ZNF7: variants seen among roughly 807,000 people sequenced by gnomAD.
ZNF7 encodes C2-H2 type zinc finger protein.
In ZNF7, 10 loss-of-function variants were observed where a neutral mutation model predicts 12.0. The observed-to-expected ratio is 0.83, with a 90% CI of 0.51 to 1.42. The LOEUF (loss-of-function observed/expected upper bound fraction) is 1.42, where lower values mean the gene tolerates loss of function less well. Among genes scored for constraint, ZNF7 ranks in the 40% most tolerant of loss-of-function variants. The pLI is 0.00. For missense variants in ZNF7, 854 were observed against 837.2 expected (o/e 1.02, Z -0.25); for synonymous variants, 334 against 295.0 (o/e 1.13, Z -1.35).
At chr8:144,829,256 G>T in intron 2 of ZNF7, 166 bp downstream of exon 2, 1 of 1,535,412 alleles carries the variant, frequency 6.5e-7, no homozygotes, top group Non-Finnish European at 8.8e-7. Context: ...CCAAACCAGG[G>T]CCTAATTGAG....
downstream of ZNF7, chr8:144,845,944 G>A (rs1057107558): frequency 7.2e-6 from 11 of 1,532,640 alleles, no homozygotes; most frequent in Non-Finnish European, 8.7e-6. Context: ...TTCAGGTCTA[G>A]CACAGGGGTT....
downstream of ZNF7, chr8:144,846,427 C>A (rs528586149): frequency 1.4e-5 from 6 of 426,414 alleles, no homozygotes. Flanking sequence ...CACAGTGTCC[C>A]TGGGCTTGGT....
Position 144,829,499 on chromosome 8 carries a change from G to A in ZNF7, c.25G>A (p.Val9Met). 1 of 1,614,178 alleles carries A rather than the reference G, an allele frequency of 6.2e-7. No homozygotes were observed. ...TCAGGAGGTGGTAACATTTGGCGAT[G>A]TGGCTGTGCACTTCTCTCGGGAGGA... The part of the protein sequence containing the change: MEVVTFGD[V>M]AVHFSREEWQ... Residue 9 changes from valine to methionine, a missense_variant, in exon 3 of 5, where the codon GTG becomes ATG. Transcript: ENST00000532777.
Position 144,843,318 on chromosome 8 carries a change from G to C in ZNF7, c.*150G>C, listed in dbSNP as rs555157298. 3.9e-6 allele frequency: 4 copies of C among 1,028,506 alleles called. No individual in the cohort carries two copies. The highest frequency in any genetic ancestry group is 5.4e-6 in the Non-Finnish European group (4 of 734,746). 63.7% of individuals were successfully genotyped at this position (1,028,506 alleles called of 1,614,324 possible). Reference sequence around the variant, plus strand: ...GAATATCCAACTTCAGGCCGAGTGTGGTGGCTTATGCCTGTCATCCCAGCA... The same window carrying C: ...GAATATCCAACTTCAGGCCGAGTGTCGTGGCTTATGCCTGTCATCCCAGCA... On this transcript the variant is annotated 3_prime_UTR_variant, in exon 5 of 5. Transcript: ENST00000532777.
At position 144,842,623 on chromosome 8, in the gene ZNF7, TTCAG is replaced by T. The variant is rs1830093378; in HGVS notation, c.1521_1524del (p.Ser507ArgfsTer29). The stretch of plus-strand genomic sequence containing the variant: ...TGTGTGTAATGACTGTGGAAAAGCC[TTCAG>T]TCAGAGTTCCAGCCTTATTTACCAT... On this transcript the variant is annotated frameshift_variant, in exon 5 of 5. Transcript: ENST00000532777. LOFTEE classifies it low-confidence loss of function (END_TRUNC). The T allele has an allele frequency of 2.5e-6, 4 of 1,614,096 alleles. No homozygotes were observed. The highest frequency in any genetic ancestry group is 1.6e-4 in the Middle Eastern group (1 of 6,084).
rs180952992 is a variant in ZNF7, at chr8:144,841,361, C to T, written c.254C>T (p.Thr85Met). The change falls in exon 5 of 5, where the codon ACG becomes ATG. Residue 85 changes from threonine (T) to methionine (M), a missense_variant. Thr to Met is a moderately conservative substitution (Grantham distance 81, BLOSUM62 -1). Transcript: ENST00000532777. ...EAPRTSKTDSTIRTENEQACE... is the reference protein window; with the variant it reads ...EAPRTSKTDSMIRTENEQACE... ...TTGTTCCTGTTTATTTCAGATTCTA[C>T]GATTAGGACTGAAAATGAGCAGGCC... 1.9e-5 allele frequency: 30 copies of T among 1,598,880 alleles called. No homozygotes were observed. Among genetic ancestry groups the T allele is most frequent in the South Asian group, 1.2e-4 (11 of 90,288 alleles).
rs770023099 is a variant in ZNF7, at chr8:144,841,421, A to G, written c.314A>G (p.Tyr105Cys). The change falls in exon 5 of 5, where the codon TAT becomes TGT. Residue 105 changes from tyrosine to cysteine, a missense_variant. Physicochemically the swap from Tyr to Cys is radical, Grantham distance 194. Transcript: ENST00000532777. The stretch of plus-strand genomic sequence containing the variant: ...ATGGACATCCTAAAATCAGAATCCT[A>G]TGGGACAGTGGTCAGAATCTCCCCA... ...EDMDILKSES[Y>C]GTVVRISPQD... The G allele has an allele frequency of 2.5e-6, 4 of 1,614,184 alleles. No individual in the cohort carries two copies. The highest frequency in any genetic ancestry group is 3.4e-6 in the Non-Finnish European group (4 of 1,180,004).
intron 3 of ZNF7, chr8:144,831,039 G>A (rs951033643): frequency 4.4e-6 from 2 of 456,328 alleles, no homozygotes; most frequent in South Asian, 1.5e-5. Context: ...CGTAAGTGGT[G>A]TTGGGGTTTT....
At chr8:144,845,430 T>A (rs1459664630), downstream of ZNF7, among the ~76,000 whole-genome samples, 1 of 151,832 alleles carries the variant, frequency 6.6e-6, no homozygotes, top group Non-Finnish European at 1.5e-5. Context: ...GTGGCCCAGG[T>A]GGAGCACGGT....
At chr8:144,838,987 T>C (rs1829475534) in intron 4 of ZNF7, 1 of 149,874 alleles carries the variant, frequency 6.7e-6, no homozygotes, top group Admixed American at 6.6e-5. Flanking sequence ...CTTACTTCCA[T>C]TCATATGCGC....
chr8:144,832,677 G>A (rs1156613842), intron 3 of ZNF7, among the ~76,000 whole-genome samples: 5 of 151,898 alleles, frequency 3.3e-5, no homozygotes, highest in East Asian at 1.9e-4. Context: ...GCACTGAGCC[G>A]AGATCACACC....
intron 4 of ZNF7, among the ~76,000 whole-genome samples, chr8:144,840,381 C>T (rs139909483): frequency 0.01 from 1,567 of 152,276 alleles, 29 homozygotes; most frequent in African/African-American, 0.036. Context: ...GGGCAGGAAC[C>T]GAAGCTTGAA....
intron 3 of ZNF7, 126 bp from the exon 4 acceptor site, chr8:144,837,265 G>C: frequency 4.3e-6 from 3 of 697,770 alleles, no homozygotes; most frequent in Non-Finnish European, 7.2e-6. Context: ...CACTCTCCCT[G>C]CAGGAGCTTG....
At chr8:144,840,369 G>A (rs760161024) in intron 4 of ZNF7, among the ~76,000 whole-genome samples, 1 of 152,256 alleles carries the variant, frequency 6.6e-6, no homozygotes, top group Non-Finnish European at 1.5e-5. Flanking sequence ...ATGGTTAGGA[G>A]TGGGCAGGAA....
Position 144,843,098 on chromosome 8 carries a change from G to A in ZNF7, c.1991G>A (p.Cys664Tyr). 1 of 1,612,782 alleles carries A rather than the reference G, an allele frequency of 6.2e-7. No homozygotes were observed. The change falls in exon 5 of 5, where the codon TGC becomes TAC. Residue 664 changes from cysteine (C) to tyrosine (Y), a missense_variant. By Grantham distance (194) the Cys-to-Tyr change is radical. Transcript: ENST00000532777. ...CACACCGGGGAGAAGCCTTATAAAT[G>A]CAATGACTGTGGCAAAGCTTTTAAT... ...RIHTGEKPYK[C>Y]NDCGKAFNRS...
intron 4 of ZNF7, chr8:144,838,081 G>A: frequency 1.4e-6 from 1 of 703,008 alleles, no homozygotes; most frequent in South Asian, 1.5e-5. Context: ...CTTTAGGGAA[G>A]GATCCTGTCC....
intron 3 of ZNF7, chr8:144,833,736 G>A (rs945017006): frequency 6.6e-6 from 1 of 151,786 alleles, no homozygotes; most frequent in African/African-American, 2.4e-5. Flanking sequence ...ATTTTGTAGT[G>A]TTTCTTAATA....
downstream of ZNF7, chr8:144,847,050 T>C (rs912211739): frequency 1.3e-5 from 2 of 152,140 alleles, no homozygotes; most frequent in Non-Finnish European, 1.5e-5. Flanking sequence ...ATCATGTCCA[T>C]GGGGCAGCTT....
chr8:144,839,487 G>A (rs911540200), intron 4 of ZNF7, among the ~76,000 whole-genome samples: 3 of 152,232 alleles, frequency 2.0e-5, no homozygotes, highest in South Asian at 2.1e-4. Context: ...GGACAGGAGC[G>A]TTTAAAGAGG....
Sources: allele counts gnomAD v4.1 joint callset (sites outside exome capture counted in the v4.1 genomes callset), GRCh38; gene constraint gnomAD v4.1.1; transcripts MANE v1.5; gene names NCBI Gene and HGNC (gene_info 2026-07-23, HGNC 2026-07-21).